The following CADPS variants were observed in gnomAD, a reference collection of about 807,000 sequenced individuals.
The protein encoded by CADPS is calcium dependent secretion activator, also known as calcium-dependent secretion activator 1.
A neutral mutation model predicts 167.3 loss-of-function variants in CADPS; 57 were observed. The ratio of observed to expected loss-of-function variants is 0.34; its 90% CI spans 0.28 to 0.42. The LOEUF is 0.42. Among genes scored for constraint, CADPS ranks in the 20% least tolerant of loss-of-function variants. The pLI, the probability that CADPS is intolerant of heterozygous loss-of-function variation, is 1.00. For synonymous variants in CADPS, 676 were observed against 635.3 expected (o/e 1.06, Z -0.96); for missense variants, 1,414 against 1,738.1 (o/e 0.81, Z 3.32).
At chr3:62,593,641 G>A (rs369016052) in intron 6 of CADPS, among the ~76,000 whole-genome samples, 2 of 152,212 alleles carry the variant, frequency 1.3e-5, no homozygotes, top group South Asian at 4.2e-4. Context: ...AATCTCACAA[G>A]CCTCCTGACT....
chr3:62,648,033 T>C (rs2068996920), intron 5 of CADPS, among the ~76,000 whole-genome samples: 1 of 152,148 alleles, frequency 6.6e-6, no homozygotes, highest in Non-Finnish European at 1.5e-5. Context: ...TGGTGGCCCC[T>C]CCAGCCATGC....
intron 1 of CADPS, among the ~76,000 whole-genome samples, chr3:62,795,763 G>C (rs549151700): frequency 2.2e-4 from 34 of 152,250 alleles, no homozygotes; most frequent in Non-Finnish European, 4.3e-4. Context: ...GTCTACTACT[G>C]GTATTATGGA....
At chr3:62,820,795 G>GTTTTTTTTTTTTTTTTT (rs5849504) in intron 1 of CADPS, among the ~76,000 whole-genome samples, 3 of 137,994 alleles carry the variant, frequency 2.2e-5, no homozygotes, top group African/African-American at 5.5e-5. Flanking sequence ...CTTTTTTTTG[G>GTTTTTTTTTTTTTTTTT]TTTTTTTTTT....
chr3:62,553,224 G>T (rs2077588856), intron 10 of CADPS, among the ~76,000 whole-genome samples: 1 of 152,162 alleles, frequency 6.6e-6, no homozygotes, highest in Non-Finnish European at 1.5e-5. Context: ...TATTTCTGGA[G>T]CTACCGTCAG....
At chr3:62,630,592 C>T (rs938699101) in intron 6 of CADPS, among the ~76,000 whole-genome samples, 8 of 152,012 alleles carry the variant, frequency 5.3e-5, no homozygotes, top group Non-Finnish European at 8.8e-5. Context: ...TGGCTTCAAG[C>T]GACCCACACA....
chr3:62,862,935 A>G (rs2081066655), intron 1 of CADPS, among the ~76,000 whole-genome samples: 2 of 152,344 alleles, frequency 1.3e-5, no homozygotes, highest in South Asian at 4.1e-4. Flanking sequence ...ACAGGAATTT[A>G]TAACTCGTCT....
intron 28 of CADPS, among the ~76,000 whole-genome samples, chr3:62,422,532 T>G (rs187265275): frequency 5.1e-4 from 78 of 152,310 alleles, no homozygotes; most frequent in Non-Finnish European, 9.4e-4. Flanking sequence ...CCTTCCTTAC[T>G]TTTTTTCTCT....
chr3:62,787,015 C>T (rs1045406786), intron 1 of CADPS, among the ~76,000 whole-genome samples: 5 of 151,890 alleles, frequency 3.3e-5, no homozygotes, highest in Admixed American at 2.0e-4. Flanking sequence ...AACCTCAAGC[C>T]GGGCATAGTG....
At chr3:62,737,841 A>G (rs1480679047) in intron 3 of CADPS, among the ~76,000 whole-genome samples, 1 of 152,176 alleles carries the variant, frequency 6.6e-6, no homozygotes. Context: ...AAGGGTCACA[A>G]ACCCTACAGA....
intron 22 of CADPS, among the ~76,000 whole-genome samples, chr3:62,480,227 G>A (rs894089597): frequency 5.3e-5 from 8 of 152,076 alleles, no homozygotes; most frequent in South Asian, 4.2e-4. Context: ...TTAATTGAAC[G>A]GAGACCATTA....
intron 6 of CADPS, among the ~76,000 whole-genome samples, chr3:62,617,850 G>T (rs1004820792): frequency 6.6e-6 from 1 of 152,124 alleles, no homozygotes; most frequent in East Asian, 1.9e-4. Context: ...GGGAAAATTG[G>T]TGAAGTAGGC....
chr3:62,565,920 T>C (rs1056701575), intron 9 of CADPS, among the ~76,000 whole-genome samples: 2 of 152,214 alleles, frequency 1.3e-5, no homozygotes, highest in Non-Finnish European at 2.9e-5. Flanking sequence ...AGACTCTGTG[T>C]GTATGTGTAG....
At chr3:62,709,594 C>T (rs1464664407) in intron 3 of CADPS, among the ~76,000 whole-genome samples, 3 of 151,914 alleles carry the variant, frequency 2.0e-5, no homozygotes, top group East Asian at 3.9e-4. Flanking sequence ...GGCATATGCC[C>T]GACCTAGCTT....
rs1388029743 is a variant in CADPS at position 62,492,416 on chromosome 3, C to T, written c.2758G>A (p.Glu920Lys). 5 of 1,614,040 alleles carry T rather than the reference C, an allele frequency of 3.1e-6. No individual in the cohort carries two copies. The highest frequency in any genetic ancestry group is 2.2e-5 in the South Asian group (2 of 91,066). ...AFAWWSDLMV[E>K]HAETFLSLFA... ...AGTGACAGGAACGTCTCCGCATGCT[C>T]CACCATTAAATCTGACCACCACGCA... Residue 920 changes from glutamate to lysine, a missense_variant, in exon 20 of 30, where the codon GAG becomes AAG. Coordinates refer to ENST00000383710, the MANE Select transcript of CADPS (RefSeq NM_003716.4).
intron 13 of CADPS, among the ~76,000 whole-genome samples, chr3:62,520,895 T>C (rs2070377987): frequency 6.6e-6 from 1 of 152,248 alleles, no homozygotes; most frequent in South Asian, 2.1e-4. Context: ...CAATTTCTTG[T>C]TCATCGACCC....
chr3:62,620,153 A>T (rs1244088308), intron 6 of CADPS, among the ~76,000 whole-genome samples: 1 of 152,022 alleles, frequency 6.6e-6, no homozygotes, highest in Non-Finnish European at 1.5e-5. Context: ...AAAGAGAATC[A>T]CTTAATTAGA....
chr3:62,648,684 G>A (rs55766778), intron 5 of CADPS, among the ~76,000 whole-genome samples: 1 of 122,218 alleles, frequency 8.2e-6, no homozygotes, highest in East Asian at 2.5e-4. Context: ...AGAGTGAGAC[G>A]TTGTGTCAAA....
intron 3 of CADPS, among the ~76,000 whole-genome samples, chr3:62,672,009 T>C (rs2075611829): frequency 1.3e-5 from 2 of 152,146 alleles, no homozygotes; most frequent in African/African-American, 4.8e-5. Flanking sequence ...CTCGATCTCT[T>C]GACCTCGTGA....
chr3:62,429,709 G>GAAA (rs11428389), intron 28 of CADPS, among the ~76,000 whole-genome samples: 1 of 144,196 alleles, frequency 6.9e-6, no homozygotes, highest in South Asian at 2.2e-4. Context: ...TCTGCCATAA[G>GAAA]AAAAAAAAAA....
Sources: allele counts gnomAD v4.1 joint callset (sites outside exome capture counted in the v4.1 genomes callset), GRCh38; gene constraint gnomAD v4.1.1; transcripts MANE v1.5; gene names NCBI Gene and HGNC (gene_info 2026-07-23, HGNC 2026-07-21).